Variants in C7 observed in about 807,000 individuals in gnomAD.
The protein encoded by C7 is complement component C7.
C7 carries 83 observed loss-of-function variants against 104.8 expected under a neutral mutation model. The observed-to-expected ratio is 0.79, with a 90% CI of 0.66 to 0.95. The LOEUF (loss-of-function observed/expected upper bound fraction) is 0.95, where lower values mean the gene tolerates loss of function less well. Ranked by LOEUF, C7 falls within the 40% of genes least tolerant of loss-of-function variation. The pLI is 0.00. For missense variants in C7, 1,070 were observed against 1,011.2 expected (o/e 1.06, Z -0.79); for synonymous variants, 415 against 360.6 (o/e 1.15, Z -1.71).
chr5:40,960,750 G>GA (rs1358589337), intron 12 of C7, among the ~76,000 whole-genome samples: 1 of 152,152 alleles, frequency 6.6e-6, no homozygotes, highest in African/African-American at 2.4e-5. Flanking sequence ...ACTCAGATGA[G>GA]AAGGAGGCCA....
intron 1 of C7, among the ~76,000 whole-genome samples, chr5:40,910,120 T>C (rs1382261690): frequency 1.3e-5 from 2 of 151,800 alleles, no homozygotes; most frequent in Admixed American, 6.6e-5. Flanking sequence ...ATTGTGAGAA[T>C]AGAAGATATG....
chr5:40,921,564 CA>C (rs1739438203), intron 1 of C7, among the ~76,000 whole-genome samples: 1 of 148,450 alleles, frequency 6.7e-6, no homozygotes, highest in African/African-American at 2.5e-5. Context: ...TACAAAGCTA[CA>C]ACAAAAGTAG....
intron 6 of C7, among the ~76,000 whole-genome samples, chr5:40,942,322 A>T (rs1561245709): frequency 2.0e-5 from 3 of 152,180 alleles, no homozygotes; most frequent in African/African-American, 7.2e-5. Context: ...AGAAAAATGG[A>T]AGCTGTAGGA....
intron 6 of C7, among the ~76,000 whole-genome samples, chr5:40,940,905 C>G (rs1739921178): frequency 6.6e-6 from 1 of 152,080 alleles, no homozygotes. Context: ...CCCCTCAGAG[C>G]AGACACTATA....
At chr5:40,918,658 A>T (rs1477781760) in intron 1 of C7, among the ~76,000 whole-genome samples, 1 of 149,742 alleles carries the variant, frequency 6.7e-6, no homozygotes, top group African/African-American at 2.5e-5. Context: ...TACTTATATA[A>T]GACAAAATAG....
At chr5:40,955,688 A>G (rs939640322) in intron 10 of C7, 135 bp downstream of exon 10, 6 of 690,308 alleles carry the variant, frequency 8.7e-6, no homozygotes, top group Non-Finnish European at 1.4e-5. Context: ...TATATTTTGT[A>G]GAGTAAAATG....
chr5:40,964,565 G>A lies in C7; in HGVS notation c.1750-176G>A. On this transcript the variant is annotated intron_variant, in intron 13 of 17. Transcript: ENST00000313164. ...ATTAATAGTTTTATTTCAATTAATG[G>A]TGGTGCTAGTGTTACTAACTATATA... 10 of 540,682 alleles carry A rather than the reference G, an allele frequency of 1.8e-5. No homozygotes were observed. The South Asian group carries it at 2.4e-4, about 13-fold the overall frequency. The allele number at this position is 540,682 out of a possible 1,614,324, so 33.5% of individuals were successfully genotyped here.
intron 15 of C7, among the ~76,000 whole-genome samples, chr5:40,975,095 T>A (rs1247994820): frequency 2.0e-5 from 3 of 152,180 alleles, no homozygotes; most frequent in Non-Finnish European, 4.4e-5. Context: ...ATACCATTTT[T>A]AAAAAATTTC....
intron 3 of C7, among the ~76,000 whole-genome samples, chr5:40,933,383 G>A (rs1739737040): frequency 6.6e-6 from 1 of 152,194 alleles, no homozygotes. Context: ...TGGAGAAGAG[G>A]TGAGTAGAGG....
intron 13 of C7, 140 bp downstream of exon 13, chr5:40,962,312 G>A: frequency 2.0e-6 from 1 of 492,796 alleles, no homozygotes; most frequent in Non-Finnish European, 3.6e-6. Context: ...AGTGGTGAGG[G>A]TTTTAGTGTG....
intron 1 of C7, among the ~76,000 whole-genome samples, chr5:40,915,303 G>T (rs1166068116): frequency 6.6e-6 from 1 of 152,190 alleles, no homozygotes; most frequent in East Asian, 1.9e-4. Flanking sequence ...GAGGAAAGAG[G>T]CAGCTTGGGG....
chr5:40,971,081 AACC>A, intron 14 of C7, among the ~76,000 whole-genome samples: 1 of 152,204 alleles, frequency 6.6e-6, no homozygotes, highest in South Asian at 2.1e-4. Context: ...AATGATTTAT[AACC>A]CTTTGGGTAT....
intron 6 of C7, among the ~76,000 whole-genome samples, chr5:40,942,562 A>C (rs1403051413): frequency 6.6e-6 from 1 of 152,154 alleles, no homozygotes. Flanking sequence ...GAGTGAAGGA[A>C]GTGTCTGTAG....
At chr5:40,961,758 T>C (rs1170444714) in intron 12 of C7, among the ~76,000 whole-genome samples, 5 of 152,088 alleles carry the variant, frequency 3.3e-5, no homozygotes, top group Non-Finnish European at 7.4e-5. Flanking sequence ...AGAGGAAAAA[T>C]AGGTTTTGAA....
intron 6 of C7, among the ~76,000 whole-genome samples, chr5:40,944,791 A>G (rs113678929): frequency 0.012 from 1,760 of 152,344 alleles, 45 homozygotes; most frequent in African/African-American, 0.041. Context: ...AAAGTCCAAA[A>G]GAGCTAATTG....
intron 12 of C7, among the ~76,000 whole-genome samples, chr5:40,960,763 C>A (rs1203267842): frequency 6.6e-6 from 1 of 152,172 alleles, no homozygotes; most frequent in African/African-American, 2.4e-5. Flanking sequence ...GGAGGCCACA[C>A]TCCCAGGCTA....
At chr5:40,931,837 T>C (rs1054437018) in intron 3 of C7, among the ~76,000 whole-genome samples, 12 of 152,172 alleles carry the variant, frequency 7.9e-5, no homozygotes, top group African/African-American at 2.9e-4. Context: ...TGGCTCACTG[T>C]AATCTCCGCC....
chr5:40,927,520 A>G (rs1739580258), intron 1 of C7, among the ~76,000 whole-genome samples: 1 of 152,126 alleles, frequency 6.6e-6, no homozygotes. Context: ...TCAAAAATAT[A>G]TATGGAGCTC....
chr5:40,945,274 A>T lies in C7; in HGVS notation c.644A>T (p.His215Leu), dbSNP rs200322163. 1 of 1,597,776 alleles carries T rather than the reference A, an allele frequency of 6.3e-7. No individual in the cohort carries two copies. Among genetic ancestry groups the T allele is most frequent in the Non-Finnish European group, 8.6e-7 (1 of 1,168,732 alleles). Residue 215 changes from histidine (H) to leucine (L), a missense_variant, in exon 7 of 18, where the codon CAC becomes CTC. Physicochemically the swap from His to Leu is moderately conservative, Grantham distance 99. Transcript: ENST00000313164. ...TATGTAAAACATACGTCGACAGAAC[A>T]CACATCATCTAGTCGGAAGCGCTCC... The part of the protein sequence containing the change: ...WSYVKHTSTE[H>L]TSSSRKRSFF...
Sources: gnomAD v4.1 joint callset for allele counts (sites outside exome capture counted in the v4.1 genomes callset) on GRCh38, gnomAD v4.1.1 for gene constraint, MANE v1.5 for transcripts, NCBI Gene and HGNC (gene_info 2026-07-23, HGNC 2026-07-21) for gene names.